Variants in PTPRT observed in about 807,000 individuals in gnomAD.
PTPRT encodes the protein protein tyrosine phosphatase receptor type T.
A neutral mutation model predicts 176.8 loss-of-function variants in PTPRT; 56 were observed. That is an observed-to-expected ratio of 0.32 (90% CI 0.26 to 0.40). PTPRT has a LOEUF of 0.40. Ranked by LOEUF, PTPRT falls within the 10% of genes least tolerant of loss-of-function variation. The probability of loss-of-function intolerance (pLI) is 1.00; values close to 1 mark genes in which losing one functional copy is unlikely to be tolerated. For missense variants in PTPRT, 1,540 were observed against 1,908.2 expected, an observed-to-expected ratio of 0.81 and a Z score of 3.60; for synonymous variants, 783 against 739.0, an observed-to-expected ratio of 1.06 and a Z score of -0.96.
intron 5 of PTPRT, among the ~76,000 whole-genome samples, chr20:42,758,811 T>C (rs2076874268): frequency 6.6e-6 from 1 of 152,208 alleles, no homozygotes; most frequent in African/African-American, 2.4e-5. Context: ...GCAATTTCAC[T>C]GTTCTGAGCT....
intron 1 of PTPRT, among the ~76,000 whole-genome samples, chr20:43,002,945 A>G (rs1230205935): frequency 6.6e-6 from 1 of 152,086 alleles, no homozygotes; most frequent in Non-Finnish European, 1.5e-5. Context: ...AAAAGAAAAT[A>G]AACTATTAAT....
intron 1 of PTPRT, among the ~76,000 whole-genome samples, chr20:42,989,885 G>T (rs1018410794): frequency 6.6e-6 from 1 of 152,188 alleles, no homozygotes; most frequent in Non-Finnish European, 1.5e-5. Context: ...GTCACAGAAG[G>T]TCACACCACA....
At chr20:42,873,803 A>G (rs565008646) in intron 2 of PTPRT, among the ~76,000 whole-genome samples, 3 of 152,206 alleles carry the variant, frequency 2.0e-5, no homozygotes, top group Non-Finnish European at 2.9e-5. Context: ...ATGGGACCTC[A>G]ATGGATTACT....
At chr20:42,344,305 C>G (rs1000024453) in intron 11 of PTPRT, among the ~76,000 whole-genome samples, 1 of 152,192 alleles carries the variant, frequency 6.6e-6, no homozygotes, top group African/African-American at 2.4e-5. Context: ...CGACAAGCAA[C>G]TTACGGTTCA....
At chr20:43,083,952 G>A (rs2011535477) in intron 1 of PTPRT, among the ~76,000 whole-genome samples, 1 of 152,156 alleles carries the variant, frequency 6.6e-6, no homozygotes, top group Admixed American at 6.5e-5. Flanking sequence ...TCATACATGT[G>A]GCTGCATGTG....
At chr20:42,717,745 T>A (rs372775460) in intron 6 of PTPRT, among the ~76,000 whole-genome samples, 1 of 152,202 alleles carries the variant, frequency 6.6e-6, no homozygotes. Context: ...AGGATATTTA[T>A]GATATGTATA....
intron 6 of PTPRT, among the ~76,000 whole-genome samples, chr20:42,695,630 G>A (rs1735446928): frequency 6.6e-6 from 1 of 152,156 alleles, no homozygotes; most frequent in African/African-American, 2.4e-5. Context: ...TACAAACTGG[G>A]AAGCATGTAT....
At chr20:42,419,777 T>C (rs2059100626) in intron 9 of PTPRT, among the ~76,000 whole-genome samples, 1 of 152,060 alleles carries the variant, frequency 6.6e-6, no homozygotes, top group Non-Finnish European at 1.5e-5. Flanking sequence ...GAAAATAAGG[T>C]TTTTGCATCT....
At chr20:42,694,733 G>A (rs1001351711) in intron 6 of PTPRT, among the ~76,000 whole-genome samples, 3 of 152,288 alleles carry the variant, frequency 2.0e-5, no homozygotes, top group Admixed American at 6.5e-5. Context: ...ATGTAGTGAT[G>A]TTTCACTGTG....
chr20:42,621,124 G>C (rs1445575999), intron 7 of PTPRT, among the ~76,000 whole-genome samples: 1 of 152,070 alleles, frequency 6.6e-6, no homozygotes, highest in Non-Finnish European at 1.5e-5. Context: ...GATTTGGGTG[G>C]GGACAAAGAG....
intron 1 of PTPRT, among the ~76,000 whole-genome samples, chr20:43,112,493 A>T (rs750617145): frequency 6.6e-6 from 1 of 152,238 alleles, no homozygotes; most frequent in African/African-American, 2.4e-5. Flanking sequence ...TCTAAGGGTC[A>T]GGAAACTAGA....
chr20:42,226,648 G>C (rs1403903422), intron 15 of PTPRT, among the ~76,000 whole-genome samples: 3 of 152,188 alleles, frequency 2.0e-5, no homozygotes, highest in African/African-American at 7.2e-5. Flanking sequence ...CTAGCTGTAA[G>C]AGTCCTTCCC....
chr20:43,151,374 TAAAG>T (rs2146421367), intron 1 of PTPRT, among the ~76,000 whole-genome samples: 1 of 78,732 alleles, frequency 1.3e-5, no homozygotes, highest in South Asian at 3.5e-4. Context: ...AAGCTTCTAA[TAAAG>T]AGAGTTAATA....
chr20:43,180,547 T>A (rs2015231339), intron 1 of PTPRT, among the ~76,000 whole-genome samples: 1 of 151,610 alleles, frequency 6.6e-6, no homozygotes, highest in South Asian at 2.1e-4. Context: ...CACTGCAACC[T>A]CCACCTCCCA....
intron 9 of PTPRT, among the ~76,000 whole-genome samples, chr20:42,435,911 T>A (rs1032220173): frequency 6.6e-6 from 1 of 152,136 alleles, no homozygotes; most frequent in African/African-American, 2.4e-5. Flanking sequence ...ATGGTTACAG[T>A]GCATGGAGGC....
intron 1 of PTPRT, among the ~76,000 whole-genome samples, chr20:43,064,278 T>A (rs902553914): frequency 4.6e-5 from 7 of 152,162 alleles, no homozygotes; most frequent in Non-Finnish European, 1.0e-4. Context: ...ACCAGTTGAA[T>A]TTCACAGACC....
chr20:42,720,794 C>A lies in PTPRT; in HGVS notation c.859+35668G>T, dbSNP rs184846757. Among the ~76,000 whole-genome samples, 209 of 152,326 alleles carry A rather than the reference C, an allele frequency of 1.4e-3. 7 individuals carry two copies. The South Asian group carries it at 0.042, about 30-fold the overall frequency. On this transcript the variant is annotated intron_variant, in intron 6 of 30. Coordinates refer to ENST00000373187, the MANE Select transcript of PTPRT (RefSeq NM_007050.6). The stretch of plus-strand genomic sequence containing the variant: ...TTTTCAAGATATTTTGTCAGAATTG[C>A]TTGTCATAGAGGCATAGAATAATGT...
At chr20:42,487,695 A>C (rs2071487522) in intron 7 of PTPRT, among the ~76,000 whole-genome samples, 1 of 152,156 alleles carries the variant, frequency 6.6e-6, no homozygotes, top group African/African-American at 2.4e-5. Flanking sequence ...GGCAAGAAAC[A>C]GATTCTCCCC....
At chr20:42,119,855 A>G in intron 20 of PTPRT, 80 bp downstream of exon 20, 1 of 1,289,214 alleles carries the variant, frequency 7.8e-7, no homozygotes, top group Non-Finnish European at 1.1e-6. Context: ...AGGAGAGGAC[A>G]AGCCTTGCAG....
Sources: gnomAD v4.1 joint callset for allele counts (sites outside exome capture counted in the v4.1 genomes callset) on GRCh38, gnomAD v4.1.1 for gene constraint, MANE v1.5 for transcripts, NCBI Gene and HGNC (gene_info 2026-07-23, HGNC 2026-07-21) for gene names.